The following CTNNA3 variants were observed in gnomAD, a reference collection of about 807,000 sequenced individuals.
CTNNA3 encodes catenin alpha-3.
In CTNNA3, 76 loss-of-function variants were observed where a neutral mutation model predicts 95.7. The ratio of observed to expected loss-of-function variants is 0.79; its 90% CI spans 0.66 to 0.96. The LOEUF is 0.96. CTNNA3 is among the 40% of genes least tolerant of loss of function. The pLI, the probability that CTNNA3 is intolerant of heterozygous loss-of-function variation, is 0.00. For missense variants in CTNNA3, 1,191 were observed against 1,089.8 expected (o/e 1.09, Z -1.31); for synonymous variants, 431 against 374.4 (o/e 1.15, Z -1.74).
Position 65,915,718 on chromosome 10 carries a change from A to G in CTNNA3, c.*4612T>C, listed in dbSNP as rs2076998756. ...CATTTGGAGACAGCTCTCTCAATTA[A>G]CATTACTTTCTTTTAGAGTGTCCAG... On this transcript the variant is annotated 3_prime_UTR_variant, in exon 18 of 18. Transcript: ENST00000433211. 2 of 152,076 alleles carry G rather than the reference A, an allele frequency of 1.3e-5. No individual in the cohort carries two copies. The highest frequency in any genetic ancestry group is 4.2e-4 in the South Asian group (2 of 4,814). 9.4% of individuals were successfully genotyped at this position (152,076 alleles called of 1,614,324 possible).
intron 2 of CTNNA3, among the ~76,000 whole-genome samples, chr10:67,614,057 C>T (rs1843565952): frequency 6.6e-6 from 1 of 152,194 alleles, no homozygotes; most frequent in Non-Finnish European, 1.5e-5. Flanking sequence ...AGGAAGCGGA[C>T]CCTACCAGGT....
At chr10:66,216,924 A>C (rs10996981) in intron 13 of CTNNA3, among the ~76,000 whole-genome samples, 50,420 of 152,002 alleles carry the variant, frequency 0.33, 9,092 homozygotes, top group East Asian at 0.43. Context: ...TAAAATACAG[A>C]CCTATTCCTT....
chr10:66,649,037 A>G (rs1589068303), intron 9 of CTNNA3, among the ~76,000 whole-genome samples: 1 of 152,284 alleles, frequency 6.6e-6, no homozygotes, highest in East Asian at 1.9e-4. Context: ...ACACCCACAA[A>G]GTAGATTCAT....
At chr10:66,418,527 G>A (rs1340235857) in intron 11 of CTNNA3, among the ~76,000 whole-genome samples, 1 of 145,712 alleles carries the variant, frequency 6.9e-6, no homozygotes, top group Non-Finnish European at 1.5e-5. Context: ...TATAAAGCCG[G>A]TATCATTCTG....
At position 66,081,516 on chromosome 10, in the gene CTNNA3, AC is replaced by A. The variant is rs369980556; in HGVS notation, c.1978-12028del. 2.5e-3 allele frequency among the ~76,000 whole-genome samples: 388 copies of A among 152,250 alleles called. 6 individuals are homozygous for A. The highest frequency in any genetic ancestry group is 9.0e-3 in the African/African-American group (375 of 41,560). On this transcript the variant is annotated intron_variant, in intron 14 of 17. Transcript: ENST00000433211. ...AAAAAACTTTCAATACCAAAAAAAC[AC>A]AAAAAAAACTTTCTATATCAAAGGT...
At chr10:66,139,863 CTCCA>C (rs1427872585) in intron 13 of CTNNA3, among the ~76,000 whole-genome samples, 1 of 152,110 alleles carries the variant, frequency 6.6e-6, no homozygotes, top group Non-Finnish European at 1.5e-5. Context: ...CTGGGTTGAA[CTCCA>C]ATAAAGAGAC....
intron 5 of CTNNA3, among the ~76,000 whole-genome samples, chr10:67,416,179 A>G (rs1168979815): frequency 6.6e-6 from 1 of 152,148 alleles, no homozygotes; most frequent in Non-Finnish European, 1.5e-5. Flanking sequence ...CTGCATGGCA[A>G]AAAAAACTAT....
At chr10:66,700,932 C>T (rs537793165) in intron 9 of CTNNA3, among the ~76,000 whole-genome samples, 4 of 152,210 alleles carry the variant, frequency 2.6e-5, no homozygotes, top group East Asian at 3.9e-4. Context: ...TTTTACATTT[C>T]GTCCCTTTTT....
chr10:66,571,419 G>A (rs1428575936), intron 10 of CTNNA3, among the ~76,000 whole-genome samples: 1 of 152,164 alleles, frequency 6.6e-6, no homozygotes, highest in Non-Finnish European at 1.5e-5. Flanking sequence ...TAATAATCCT[G>A]TGAGGAAAAC....
intron 7 of CTNNA3, among the ~76,000 whole-genome samples, chr10:66,831,142 A>G (rs1433885656): frequency 6.6e-6 from 1 of 152,126 alleles, no homozygotes; most frequent in African/African-American, 2.4e-5. Flanking sequence ...AATCAATCTT[A>G]TGTCCTTCCA....
At chr10:66,594,657 T>C (rs931226760) in intron 10 of CTNNA3, among the ~76,000 whole-genome samples, 1 of 152,168 alleles carries the variant, frequency 6.6e-6, no homozygotes, top group African/African-American at 2.4e-5. Flanking sequence ...AATGTCACCA[T>C]CTGTAGCAAG....
At chr10:66,199,790 TATATATATA>T (rs2087234651) in intron 13 of CTNNA3, among the ~76,000 whole-genome samples, 3 of 14,758 alleles carry the variant, frequency 2.0e-4, no homozygotes, top group Non-Finnish European at 4.3e-4. Context: ...TATATATATA[TATATATATA>T]TATATATTTT....
chr10:67,753,287 G>C (rs942962028), intron 1 of CTNNA3, among the ~76,000 whole-genome samples: 1 of 152,004 alleles, frequency 6.6e-6, no homozygotes, highest in African/African-American at 2.4e-5. Flanking sequence ...AATTGAAACT[G>C]GGCCCTTTCT....
chr10:66,473,147 T>C (rs1457895721), intron 11 of CTNNA3, among the ~76,000 whole-genome samples: 1 of 151,998 alleles, frequency 6.6e-6, no homozygotes, highest in Non-Finnish European at 1.5e-5. Flanking sequence ...CATTTATCAT[T>C]TCTTTGTGGT....
intron 7 of CTNNA3, among the ~76,000 whole-genome samples, chr10:67,086,770 C>T (rs534741552): frequency 1.7e-4 from 26 of 152,038 alleles, no homozygotes; most frequent in Non-Finnish European, 3.7e-4. Flanking sequence ...TTCTTTCCAC[C>T]AGTTGCTTCT....
chr10:67,091,446 C>T (rs959835864), intron 7 of CTNNA3, among the ~76,000 whole-genome samples: 1 of 151,860 alleles, frequency 6.6e-6, no homozygotes, highest in African/African-American at 2.4e-5. Context: ...TTAAATCCCA[C>T]TTCTTTCCAA....
At chr10:67,170,299 T>A (rs1302919821) in intron 7 of CTNNA3, among the ~76,000 whole-genome samples, 1 of 152,214 alleles carries the variant, frequency 6.6e-6, no homozygotes, top group Non-Finnish European at 1.5e-5. Flanking sequence ...TAAATCATTC[T>A]ATCATAAAGA....
chr10:65,991,753 T>C (rs1173542250), intron 15 of CTNNA3, among the ~76,000 whole-genome samples: 1 of 152,084 alleles, frequency 6.6e-6, no homozygotes, highest in African/African-American at 2.4e-5. Context: ...TTTTTCCTGA[T>C]TGCTCTGGCT....
intron 2 of CTNNA3, among the ~76,000 whole-genome samples, chr10:67,632,948 C>T (rs1839193097): frequency 1.3e-5 from 2 of 152,204 alleles, no homozygotes; most frequent in Non-Finnish European, 2.9e-5. Flanking sequence ...GGAATTCCAG[C>T]CAGCCAATGG....
Sources: gnomAD v4.1 joint callset for allele counts (sites outside exome capture counted in the v4.1 genomes callset) on GRCh38, gnomAD v4.1.1 for gene constraint, MANE v1.5 for transcripts, NCBI Gene and HGNC (gene_info 2026-07-23, HGNC 2026-07-21) for gene names.